TBCE: variants seen among roughly 807,000 people sequenced by gnomAD.
TBCE encodes the protein tubulin-specific chaperone E.
Under a neutral mutation model 77.0 loss-of-function variants are expected in TBCE, and 53 were observed. That is an observed-to-expected ratio of 0.69 (90% confidence interval 0.55 to 0.87). The LOEUF (loss-of-function observed/expected upper bound fraction) is 0.87, where lower values mean the gene tolerates loss of function less well. Among genes scored for constraint, TBCE ranks in the 40% least tolerant of loss-of-function variants. TBCE has a pLI of 0.00. For missense variants in TBCE, 624 were observed against 622.4 expected (o/e 1.00, Z -0.03); for synonymous variants, 235 against 241.3 (o/e 0.97, Z 0.24).
chr1:235,431,778 T>C (rs1353092220), intron 7 of TBCE, among the ~76,000 whole-genome samples: 1 of 150,706 alleles, frequency 6.6e-6, no homozygotes. Context: ...GTTCAAGTGA[T>C]TCTTCCGCGT....
intron 4 of TBCE, 136 bp from the exon 5 acceptor site, chr1:235,419,337 A>G (rs1680264360): frequency 1.6e-6 from 2 of 1,271,434 alleles, no homozygotes; most frequent in African/African-American, 1.5e-5. Context: ...TTATTTCTTA[A>G]TTTGGGTGGT....
chr1:235,424,078 C>A (rs184594680), intron 5 of TBCE, among the ~76,000 whole-genome samples: 23 of 152,280 alleles, frequency 1.5e-4, no homozygotes, highest in Admixed American at 1.4e-3. Flanking sequence ...TTTGATGACT[C>A]CCTGTTGCAT....
chr1:235,446,030 G>T (rs1049661720), intron 15 of TBCE, among the ~76,000 whole-genome samples: 6 of 152,086 alleles, frequency 3.9e-5, no homozygotes, highest in Non-Finnish European at 5.9e-5. Context: ...AGTCATACTC[G>T]CCGCTTTCCA....
chr1:235,372,307 C>T (rs1029887876), intron 1 of TBCE, among the ~76,000 whole-genome samples: 1 of 152,184 alleles, frequency 6.6e-6, no homozygotes, highest in Non-Finnish European at 1.5e-5. Context: ...ATCCTCCTGC[C>T]TTGGCCTCCC....
In TBCE at chr1:235,378,524, A is replaced by G. The variant is rs150250223; in HGVS notation, c.-31-1495A>G. Among the ~76,000 whole-genome samples the G allele has an allele frequency of 1.5e-3, 234 of 152,236 alleles. 2 individuals carry two copies. Among genetic ancestry groups the G allele is most frequent in the East Asian group, 7.9e-3 (41 of 5,186 alleles). ...CAGGCATGAGCAACCGTGCCCAGCC[A>G]ACACTGCTAGCTTTTTAAAACAGAA... On this transcript the variant is annotated intron_variant, in intron 1 of 16. Coordinates refer to ENST00000642610, the MANE Select transcript of TBCE (RefSeq NM_003193.5).
At chr1:235,431,243 C>T (rs1241362378) in intron 7 of TBCE, among the ~76,000 whole-genome samples, 1 of 152,178 alleles carries the variant, frequency 6.6e-6, no homozygotes, top group African/African-American at 2.4e-5. Flanking sequence ...TCATTTTATA[C>T]AGCCGGGCTC....
At chr1:235,424,664 C>A (rs1680602172) in intron 5 of TBCE, among the ~76,000 whole-genome samples, 1 of 152,002 alleles carries the variant, frequency 6.6e-6, no homozygotes, top group Non-Finnish European at 1.5e-5. Flanking sequence ...TGCCACCATG[C>A]CTGGCTAATT....
intron 14 of TBCE, 62 bp downstream of exon 14, chr1:235,441,944 G>A: frequency 2.8e-6 from 4 of 1,438,082 alleles, no homozygotes; most frequent in Admixed American, 3.5e-5. Context: ...GAAACAGTTA[G>A]TGTGTTTCTC....
chr1:235,378,947 G>A (rs867200463), intron 1 of TBCE, among the ~76,000 whole-genome samples: 2 of 152,140 alleles, frequency 1.3e-5, no homozygotes, highest in Non-Finnish European at 1.5e-5. Flanking sequence ...AAAGGGGCAC[G>A]GATTTTTAAG....
chr1:235,430,654 T>C (rs770496110), intron 6 of TBCE, 51 bp from the exon 7 acceptor site: 1 of 1,326,290 alleles, frequency 7.5e-7, no homozygotes, highest in Admixed American at 1.9e-5. Context: ...ACTATTTCAG[T>C]TGGGTTTACT....
At chr1:235,395,807 A>G (rs1164620491) in intron 2 of TBCE, among the ~76,000 whole-genome samples, 1 of 151,180 alleles carries the variant, frequency 6.6e-6, no homozygotes, top group Admixed American at 6.6e-5. Flanking sequence ...AGCCTCCCAA[A>G]GTGCTGAGAT....
At chr1:235,374,294 C>A (rs970770695) in intron 1 of TBCE, among the ~76,000 whole-genome samples, 5 of 145,894 alleles carry the variant, frequency 3.4e-5, no homozygotes, top group Non-Finnish European at 6.0e-5. Flanking sequence ...CATTGTACCC[C>A]ACGTGCAGGT....
chr1:235,442,725 ACATTGATTAGACCTGC>A (rs1364775120), intron 14 of TBCE, 111 bp from the exon 15 acceptor site: 8 of 818,908 alleles, frequency 9.8e-6, no homozygotes, highest in Non-Finnish European at 1.6e-5. Context: ...AGAATTTTAA[ACATTGATTAGACCTGC>A]CAATTTGCAC....
intron 13 of TBCE, chr1:235,441,220 G>C (rs1423733121): frequency 6.5e-6 from 1 of 154,022 alleles, no homozygotes. Flanking sequence ...GAGAAATGTT[G>C]TCACTGTTTG....
chr1:235,389,445 A>G (rs1400234749), intron 2 of TBCE, among the ~76,000 whole-genome samples: 1 of 152,128 alleles, frequency 6.6e-6, no homozygotes, highest in South Asian at 2.1e-4. Flanking sequence ...CTCCTGCCTC[A>G]GCCTCCCGAG....
intron 3 of TBCE, among the ~76,000 whole-genome samples, chr1:235,407,129 C>T (rs1345318193): frequency 2.7e-5 from 4 of 149,720 alleles, no homozygotes; most frequent in African/African-American, 9.9e-5. Flanking sequence ...GCACCTGGCC[C>T]CCGCCTTTTT....
At chr1:235,373,884 C>T (rs1436711263) in intron 1 of TBCE, among the ~76,000 whole-genome samples, 3 of 145,896 alleles carry the variant, frequency 2.1e-5, no homozygotes, top group Non-Finnish European at 4.5e-5. Flanking sequence ...CTCCTGACCT[C>T]GTGATCCTCC....
intron 3 of TBCE, among the ~76,000 whole-genome samples, chr1:235,413,661 T>C (rs1572389946): frequency 7.6e-6 from 1 of 130,868 alleles, no homozygotes; most frequent in Non-Finnish European, 1.6e-5. Context: ...AGATTCTGTC[T>C]CAAAAAAAAA....
At chr1:235,391,818 G>A (rs557855675) in intron 2 of TBCE, among the ~76,000 whole-genome samples, 28 of 151,576 alleles carry the variant, frequency 1.8e-4, no homozygotes, top group African/African-American at 6.8e-4. Flanking sequence ...TGTTGGCCAG[G>A]CTGGTCTTGA....
Sources: gnomAD v4.1 joint callset for allele counts (sites outside exome capture counted in the v4.1 genomes callset) on GRCh38, gnomAD v4.1.1 for gene constraint, MANE v1.5 for transcripts, NCBI Gene and HGNC (gene_info 2026-07-23, HGNC 2026-07-21) for gene names.